The following SLC22A9 variants were observed in gnomAD, a reference collection of about 807,000 sequenced individuals.
SLC22A9 encodes organic anion transporter 7.
In SLC22A9, 64 loss-of-function variants were observed where a neutral mutation model predicts 50.1. The ratio of observed to expected loss-of-function variants is 1.28; its 90% CI spans 1.04 to 1.57. The LOEUF (loss-of-function observed/expected upper bound fraction) is 1.57. Among genes scored for constraint, SLC22A9 ranks in the 40% most tolerant of loss-of-function variants. The pLI is 0.00. For missense variants in SLC22A9, 757 were observed against 676.1 expected, an observed-to-expected ratio of 1.12 and a Z score of -1.33; for synonymous variants, 261 against 242.5, an observed-to-expected ratio of 1.08 and a Z score of -0.71.
rs2120035422 is a variant in SLC22A9 at position 63,408,966 on chromosome 11, T to C, written c.1601+87T>C. The C allele has an allele frequency of 3.6e-6, 5 of 1,400,456 alleles. No homozygotes were observed. In the East Asian group the frequency reaches 9.1e-5, roughly 26 times the overall value. 86.8% of individuals were successfully genotyped at this position (1,400,456 alleles called of 1,614,324 possible). ...GGCAAAATACCATTTAGGGCCACTG[T>C]CCTCTCAAAAGGCTTAGACTTAGGA... is the stretch of plus-strand genomic sequence containing the variant. On this transcript the variant is annotated intron_variant, in intron 9 of 9. Transcript: ENST00000279178.
At chr11:63,409,292 G>C (rs1420841012) in intron 9 of SLC22A9, among the ~76,000 whole-genome samples, 1 of 152,154 alleles carries the variant, frequency 6.6e-6, no homozygotes, top group Non-Finnish European at 1.5e-5. Flanking sequence ...GTGCTTACAG[G>C]CCTGACTACT....
At chr11:63,371,091 T>G in intron 1 of SLC22A9, 44 bp from the exon 2 acceptor site, 1 of 1,418,416 alleles carries the variant, frequency 7.1e-7, no homozygotes, top group East Asian at 2.3e-5. Context: ...CAAGTTACAC[T>G]GAGGGGTAAT....
chr11:63,405,610 T>C (rs948044790), intron 6 of SLC22A9, among the ~76,000 whole-genome samples: 2 of 152,192 alleles, frequency 1.3e-5, no homozygotes, highest in Non-Finnish European at 2.9e-5. Flanking sequence ...ACACAGTGAA[T>C]GCTGTGGATA....
intron 6 of SLC22A9, among the ~76,000 whole-genome samples, chr11:63,404,986 G>A (rs144610475): frequency 0.015 from 2,340 of 152,178 alleles, 38 homozygotes; most frequent in Non-Finnish European, 0.023. Flanking sequence ...AATTGGGAGG[G>A]CAGTGTTCTG....
intron 6 of SLC22A9, among the ~76,000 whole-genome samples, chr11:63,395,521 G>C (rs367966619): frequency 6.6e-5 from 10 of 152,246 alleles, no homozygotes; most frequent in African/African-American, 2.4e-4. Flanking sequence ...AGTCTACCAG[G>C]CTCTGGGCTG....
rs181650799 is a variant in SLC22A9 at position 63,388,133 on chromosome 11, G to A, written c.1073+5856G>A. ...CTGCAAACAAGAATAATTTGACTTC[G>A]AGTTTTCCAATTTGAATGTCCTTGA... On this transcript the variant is annotated intron_variant, in intron 6 of 9. Coordinates refer to ENST00000279178, the MANE Select transcript of SLC22A9 (RefSeq NM_080866.3). Among the ~76,000 whole-genome samples the A allele has an allele frequency of 4.1e-4, 62 of 152,064 alleles. 1 individual carries two copies. The highest frequency in any genetic ancestry group is 1.4e-3 in the African/African-American group (59 of 41,524).
At chr11:63,372,708 T>C (rs2014384003) in intron 2 of SLC22A9, among the ~76,000 whole-genome samples, 1 of 152,162 alleles carries the variant, frequency 6.6e-6, no homozygotes, top group African/African-American at 2.4e-5. Context: ...TTTGCAATAT[T>C]TTATAGTTTA....
intron 6 of SLC22A9, among the ~76,000 whole-genome samples, chr11:63,404,352 G>C (rs2015002155): frequency 6.6e-6 from 1 of 152,082 alleles, no homozygotes. Flanking sequence ...AGGGCATAAA[G>C]TATCAGTTAT....
At chr11:63,401,613 AT>A (rs942154369) in intron 6 of SLC22A9, among the ~76,000 whole-genome samples, 18 of 151,956 alleles carry the variant, frequency 1.2e-4, no homozygotes, top group Admixed American at 7.2e-4. Context: ...TCTTCACAGA[AT>A]TTTTTTTAGT....
intron 6 of SLC22A9, among the ~76,000 whole-genome samples, chr11:63,394,657 T>C (rs1018948970): frequency 6.6e-6 from 1 of 152,188 alleles, no homozygotes; most frequent in African/African-American, 2.4e-5. Context: ...GCGCTTAAGC[T>C]TCTTTCCTTT....
At chr11:63,385,114 T>TTG (rs1468743844) in intron 6 of SLC22A9, among the ~76,000 whole-genome samples, 62 of 139,486 alleles carry the variant, frequency 4.4e-4, no homozygotes, top group African/African-American at 1.5e-3. Flanking sequence ...CAGTTTTTTT[T>TTG]TTTTTTTTTT....
At chr11:63,396,295 C>G (rs148650225) in intron 6 of SLC22A9, among the ~76,000 whole-genome samples, 89 of 152,320 alleles carry the variant, frequency 5.8e-4, no homozygotes, top group African/African-American at 2.0e-3. Context: ...TTTTCTGCCT[C>G]TCTCCACAGC....
At chr11:63,401,627 T>TA (rs1354565562) in intron 6 of SLC22A9, among the ~76,000 whole-genome samples, 1 of 152,012 alleles carries the variant, frequency 6.6e-6, no homozygotes, top group Non-Finnish European at 1.5e-5. Context: ...TTTTTAGTCC[T>TA]AAAAGTTACA....
In SLC22A9 at chr11:63,398,748, A is replaced by G. The variant is rs142766681; in HGVS notation, c.1074-7749A>G. The stretch of plus-strand genomic sequence containing the variant: ...CAAGGAAGTCTTTCCTACCCTCTTC[A>G]GTGTCTCTTTCAGTGATATGAAATT... On this transcript the variant is annotated intron_variant, in intron 6 of 9. Transcript: ENST00000279178. 2.0e-3 allele frequency among the ~76,000 whole-genome samples: 306 copies of G among 152,284 alleles called. 1 individual carries two copies. The highest frequency in any genetic ancestry group is 7.0e-3 in the African/African-American group (290 of 41,562).
At chr11:63,392,512 T>G (rs879560516) in intron 6 of SLC22A9, among the ~76,000 whole-genome samples, 4 of 152,026 alleles carry the variant, frequency 2.6e-5, no homozygotes, top group Non-Finnish European at 2.9e-5. Context: ...AAAGGTTTTT[T>G]TTTCCCCCTT....
chr11:63,396,928 T>A (rs1000157045), intron 6 of SLC22A9, among the ~76,000 whole-genome samples: 1 of 152,212 alleles, frequency 6.6e-6, no homozygotes, highest in African/African-American at 2.4e-5. Flanking sequence ...TGCTTGTGGA[T>A]GTTCATCAGT....
At chr11:63,392,855 C>G (rs1434163416) in intron 6 of SLC22A9, among the ~76,000 whole-genome samples, 1 of 152,080 alleles carries the variant, frequency 6.6e-6, no homozygotes, top group Non-Finnish European at 1.5e-5. Flanking sequence ...CTCTAAAACA[C>G]TAAGATGATA....
chr11:63,401,124 C>T (rs906912326), intron 6 of SLC22A9, among the ~76,000 whole-genome samples: 29 of 151,922 alleles, frequency 1.9e-4, no homozygotes, highest in Non-Finnish European at 7.4e-5. Context: ...ACCACTTTTA[C>T]TCAATACAGT....
At chr11:63,388,683 C>T (rs1031427411) in intron 6 of SLC22A9, among the ~76,000 whole-genome samples, 5 of 151,054 alleles carry the variant, frequency 3.3e-5, no homozygotes, top group Admixed American at 3.3e-4. Flanking sequence ...TAATTTTAGC[C>T]TCATAGAATG....
Sources: allele counts gnomAD v4.1 joint callset (sites outside exome capture counted in the v4.1 genomes callset), GRCh38; gene constraint gnomAD v4.1.1; transcripts MANE v1.5; gene names NCBI Gene and HGNC (gene_info 2026-07-23, HGNC 2026-07-21).